The following TECPR2 variants were observed in gnomAD, a reference collection of about 807,000 sequenced individuals.
TECPR2 encodes the protein tectonin beta-propeller repeat containing 2.
Under a neutral mutation model 138.1 loss-of-function variants are expected in TECPR2, and 65 were observed. The observed-to-expected ratio is 0.47, with a 90% CI of 0.39 to 0.58. TECPR2 has a LOEUF of 0.58. Among genes scored for constraint, TECPR2 ranks in the 20% least tolerant of loss-of-function variants. The pLI is 0.00. For synonymous variants in TECPR2, 746 were observed against 749.8 expected, an observed-to-expected ratio of 0.99 and a Z score of 0.08; for missense variants, 1,553 against 1,824.5, an observed-to-expected ratio of 0.85 and a Z score of 2.71.
intron 17 of TECPR2, among the ~76,000 whole-genome samples, chr14:102,492,314 G>A (rs1219437997): frequency 2.6e-5 from 4 of 152,168 alleles, no homozygotes; most frequent in African/African-American, 7.2e-5. Flanking sequence ...ATGAGCTTCC[G>A]TCGTGTAAAG....
At position 102,449,981 on chromosome 14, in the gene TECPR2, T is replaced by C. The variant is rs2281702; in HGVS notation, c.3316+112T>C. 0.034 allele frequency: 50,995 copies of C among 1,479,934 alleles called. 1,013 individuals carry two copies. Among genetic ancestry groups the C allele is most frequent in the African/African-American group, 0.056 (4,020 of 71,626 alleles). 91.7% of individuals were successfully genotyped at this position (1,479,934 alleles called of 1,614,324 possible). Reference sequence around the variant, plus strand: ...ACTTGAAAAGATAATTTAGTGCCAGTGGTATGAAGTGTCTAGTGGAGGCAC... The same window carrying C: ...ACTTGAAAAGATAATTTAGTGCCAGCGGTATGAAGTGTCTAGTGGAGGCAC... On this transcript the variant is annotated intron_variant, in intron 14 of 19. Transcript: ENST00000359520.
rs1415612952 is a variant in TECPR2 at position 102,398,148 on chromosome 14, TAAA to T, written c.220-9189_220-9187del. 3.0e-5 allele frequency among the ~76,000 whole-genome samples: 4 copies of T among 134,298 alleles called. No homozygotes were observed. The East Asian group carries it at 6.8e-4, about 23-fold the overall frequency. 88.1% of individuals were successfully genotyped at this position (134,298 alleles called of 152,430 possible). A position where few individuals can be genotyped will look rare whatever the true frequency, so the allele number is the denominator to read the frequency against. On this transcript the variant is annotated intron_variant, in intron 2 of 19. Coordinates refer to ENST00000359520, the MANE Select transcript of TECPR2 (RefSeq NM_014844.5). ...TGTACAAATAAAATGTAAATATAAATAAAGAGATAGAAACCCTAAAAAGAAACT... is the reference window on the plus strand; with the variant it reads ...TGTACAAATAAAATGTAAATATAAATGAGATAGAAACCCTAAAAAGAAACT...
rs761580335 is a variant in TECPR2, at chr14:102,376,844, C to T, written c.123C>T (p.Leu41=). ...FRSIVVYLTA[L]DTNGDYIAVG... is the part of the protein sequence containing the mutation. ...CTATCGTGGTCTATCTCACGGCCCT[C>T]GACACCAACGGGGACTACATCGCGG... Residue 41 remains leucine, a synonymous_variant, in exon 2 of 20, where the codon CTC becomes CTT. Transcript: ENST00000359520. The T allele has an allele frequency of 3.1e-6, 5 of 1,614,152 alleles. No individual in the cohort carries two copies. Among genetic ancestry groups the T allele is most frequent in the Admixed American group, 1.7e-5 (1 of 60,012 alleles).
intron 16 of TECPR2, among the ~76,000 whole-genome samples, chr14:102,464,082 C>T (rs1890486930): frequency 6.6e-6 from 1 of 152,240 alleles, no homozygotes. Context: ...GCCTCCTGGC[C>T]TGGCCACCTC....
intron 2 of TECPR2, among the ~76,000 whole-genome samples, chr14:102,404,245 T>C (rs1357946530): frequency 6.6e-6 from 1 of 151,940 alleles, no homozygotes; most frequent in African/African-American, 2.4e-5. Flanking sequence ...CCAAAGTAAT[T>C]TATAAGTTAA....
At chr14:102,455,143 GC>G (rs1316983629) in intron 16 of TECPR2, among the ~76,000 whole-genome samples, 1 of 152,206 alleles carries the variant, frequency 6.6e-6, no homozygotes, top group Non-Finnish European at 1.5e-5. Context: ...GTCCAAGATG[GC>G]CTTGGGCCAT....
chr14:102,402,698 A>G (rs1214042438), intron 2 of TECPR2, among the ~76,000 whole-genome samples: 1 of 152,166 alleles, frequency 6.6e-6, no homozygotes, highest in Admixed American at 6.6e-5. Context: ...AAAACCAGAA[A>G]CAAAGTAGAC....
intron 7 of TECPR2, 109 bp from the exon 8 acceptor site, chr14:102,431,687 C>A: frequency 1.8e-6 from 2 of 1,119,194 alleles, no homozygotes; most frequent in Non-Finnish European, 2.5e-6. Context: ...AGTTCTTTAG[C>A]TGGCTGGTGC....
At chr14:102,483,607 A>AT (rs956874154) in intron 17 of TECPR2, among the ~76,000 whole-genome samples, 12 of 151,234 alleles carry the variant, frequency 7.9e-5, no homozygotes, top group Admixed American at 6.6e-5. Flanking sequence ...TGTTCAGCTA[A>AT]TTTTTTTATT....
At chr14:102,422,722 G>A (rs1422029198) in intron 5 of TECPR2, among the ~76,000 whole-genome samples, 2 of 152,184 alleles carry the variant, frequency 1.3e-5, no homozygotes, top group African/African-American at 4.8e-5. Flanking sequence ...GGGCACAAGG[G>A]GGCAGGAAGT....
chr14:102,365,690 G>C (rs977695547), intron 1 of TECPR2, among the ~76,000 whole-genome samples: 1 of 152,226 alleles, frequency 6.6e-6, no homozygotes. Flanking sequence ...ACAGAGAGGA[G>C]ATCAGTGGTT....
chr14:102,407,205 A>T (rs1689716583), intron 2 of TECPR2, 133 bp from the exon 3 acceptor site: 1 of 1,202,858 alleles, frequency 8.3e-7, no homozygotes, highest in Non-Finnish European at 1.1e-6. Context: ...TCTGACTTGT[A>T]TACCTTTTCA....
intron 2 of TECPR2, among the ~76,000 whole-genome samples, chr14:102,403,717 C>A (rs1888563019): frequency 6.6e-6 from 1 of 151,932 alleles, no homozygotes; most frequent in Admixed American, 6.6e-5. Context: ...AGTTGCATTT[C>A]TAAACACCAA....
intron 3 of TECPR2, among the ~76,000 whole-genome samples, chr14:102,408,156 C>T (rs577529254): frequency 5.3e-5 from 8 of 150,630 alleles, no homozygotes; most frequent in African/African-American, 2.0e-4. Context: ...CCTGACGGAG[C>T]GAGACTCTGT....
At chr14:102,448,187 T>G (rs545445717) in intron 13 of TECPR2, among the ~76,000 whole-genome samples, 2 of 151,522 alleles carry the variant, frequency 1.3e-5, no homozygotes, top group African/African-American at 4.8e-5. Flanking sequence ...CTGGAACTCC[T>G]GACCTCAAGT....
At chr14:102,448,988 A>G (rs748323561) in intron 13 of TECPR2, among the ~76,000 whole-genome samples, 6 of 152,232 alleles carry the variant, frequency 3.9e-5, no homozygotes, top group Non-Finnish European at 7.3e-5. Flanking sequence ...AAAGCTGGGC[A>G]TAGTGGTTCA....
intron 17 of TECPR2, among the ~76,000 whole-genome samples, chr14:102,483,791 C>CTTT (rs71119708): frequency 3.4e-4 from 31 of 92,424 alleles, no homozygotes; most frequent in Non-Finnish European, 4.8e-4. Context: ...TTTTCCTTTT[C>CTTT]TTTTTTTTTT....
intron 6 of TECPR2, 21 bp from the exon 7 acceptor site, chr14:102,428,229 T>TTG (rs1567336423): frequency 1.2e-5 from 16 of 1,340,124 alleles, no homozygotes; most frequent in Non-Finnish European, 1.3e-5. Context: ...TTTGTTTTTT[T>TTG]TTTTTTTTTT....
chr14:102,429,884 C>G (rs189957125), intron 7 of TECPR2, among the ~76,000 whole-genome samples: 8 of 152,308 alleles, frequency 5.3e-5, no homozygotes, highest in Admixed American at 5.2e-4. Flanking sequence ...TAGGCAGTCC[C>G]TGTCCATGTG....
Sources: allele counts gnomAD v4.1 joint callset (sites outside exome capture counted in the v4.1 genomes callset), GRCh38; gene constraint gnomAD v4.1.1; transcripts MANE v1.5; gene names NCBI Gene and HGNC (gene_info 2026-07-23, HGNC 2026-07-21).